EYS: variants seen among roughly 807,000 people sequenced by gnomAD.
EYS encodes the protein protein eyes shut homolog.
EYS carries 250 observed loss-of-function variants against 282.1 expected under a neutral mutation model. The observed-to-expected ratio is 0.89, with a 90% CI of 0.80 to 0.98. The LOEUF (loss-of-function observed/expected upper bound fraction) is 0.98, where lower values mean the gene tolerates loss of function less well. Ranked by LOEUF, EYS falls within the 50% of genes least tolerant of loss-of-function variation. The pLI, the probability that EYS is intolerant of heterozygous loss-of-function variation, is 0.00. For synonymous variants in EYS, 1,355 were observed against 1,282.9 expected (o/e 1.06, Z -1.20); for missense variants, 4,016 against 3,709.0 (o/e 1.08, Z -2.15).
chr6:64,290,116 T>A (rs192249129), intron 30 of EYS, among the ~76,000 whole-genome samples: 21 of 152,262 alleles, frequency 1.4e-4, no homozygotes, highest in Admixed American at 8.5e-4. Flanking sequence ...GACTTTGCAC[T>A]ACGCAGCCAT....
chr6:63,979,443 T>C (rs1766991687), intron 35 of EYS, among the ~76,000 whole-genome samples: 1 of 151,936 alleles, frequency 6.6e-6, no homozygotes, highest in Non-Finnish European at 1.5e-5. Flanking sequence ...TTTCACTGCA[T>C]GATAAAATAC....
intron 30 of EYS, among the ~76,000 whole-genome samples, chr6:64,279,547 A>G (rs1454979197): frequency 6.6e-6 from 1 of 152,142 alleles, no homozygotes; most frequent in African/African-American, 2.4e-5. Flanking sequence ...CAGCAGGGAC[A>G]TGGCTCTCAG....
chr6:64,017,772 A>G lies in EYS; in HGVS notation c.6726-18589T>C, dbSNP rs569775051. Among the ~76,000 whole-genome samples the G allele has an allele frequency of 5.9e-5, 9 of 152,332 alleles. 1 individual carries two copies. In the South Asian group the frequency reaches 1.9e-3, roughly 32 times the overall value. On this transcript the variant is annotated intron_variant, in intron 33 of 42. Transcript: ENST00000503581. ...TGCTCATTAATATGAAGTGGTGAGA[A>G]CAGTCAATATGCTCGTAATGATAGA...
In EYS at chr6:64,259,650, GCA is replaced by G. The variant is rs1554222995; in HGVS notation, c.6192-28828_6192-28827del. 2.6e-3 allele frequency among the ~76,000 whole-genome samples: 373 copies of G among 145,624 alleles called. 2 individuals carry two copies. Among genetic ancestry groups the G allele is most frequent in the East Asian group, 0.013 (63 of 4,830 alleles). On this transcript the variant is annotated intron_variant, in intron 30 of 42. Transcript: ENST00000503581. Reference sequence around the variant, plus strand: ...TCTCTCCCAGTACTTTTACACACGCGCACACACACACACACACACACACACAA... The same window carrying G: ...TCTCTCCCAGTACTTTTACACACGCGCACACACACACACACACACACACAA...
At chr6:64,241,046 G>A (rs1280732421) in intron 30 of EYS, among the ~76,000 whole-genome samples, 3 of 152,080 alleles carry the variant, frequency 2.0e-5, no homozygotes, top group African/African-American at 7.2e-5. Flanking sequence ...GTGTGATGGA[G>A]TAGGTTTATT....
At chr6:64,512,986 T>C (rs904025039) in intron 26 of EYS, among the ~76,000 whole-genome samples, 1 of 151,902 alleles carries the variant, frequency 6.6e-6, no homozygotes, top group East Asian at 1.9e-4. Context: ...TTCCTAGTAC[T>C]GTGTTGCATT....
chr6:65,587,541 G>A (rs1765095577), intron 2 of EYS, among the ~76,000 whole-genome samples: 1 of 152,024 alleles, frequency 6.6e-6, no homozygotes. Flanking sequence ...TGCCGTGACT[G>A]CAAATTTCCT....
Position 64,097,236 on chromosome 6 carries a change from G to A in EYS, c.6425-15234C>T, listed in dbSNP as rs568860842. 9.2e-5 allele frequency among the ~76,000 whole-genome samples: 14 copies of A among 152,306 alleles called. 1 individual carries two copies. In the South Asian group the frequency reaches 1.7e-3, roughly 18 times the overall value. On this transcript the variant is annotated intron_variant, in intron 31 of 42. Transcript: ENST00000503581. ...GAGGAGGCAGTCTGTTCCGTTCTCC[G>A]ATCTCAAGCTGTGTGCTGGGAGAAC...
intron 31 of EYS, among the ~76,000 whole-genome samples, chr6:64,142,293 T>C (rs1774362815): frequency 6.6e-6 from 1 of 152,000 alleles, no homozygotes; most frequent in South Asian, 2.1e-4. Context: ...CATATGGCTC[T>C]TTACTACAGA....
intron 8 of EYS, among the ~76,000 whole-genome samples, chr6:65,356,719 T>C (rs1165967751): frequency 6.6e-6 from 1 of 152,082 alleles, no homozygotes; most frequent in Non-Finnish European, 1.5e-5. Context: ...TCTTAATACC[T>C]TTTTAAAATT....
rs1248412898 is a variant in EYS at position 64,028,493 on chromosome 6, C to A, written c.6726-29310G>T. Among the ~76,000 whole-genome samples the A allele has an allele frequency of 2.0e-5, 3 of 152,314 alleles. No individual in the cohort carries two copies. In the South Asian group the frequency reaches 6.2e-4, roughly 32 times the overall value. On this transcript the variant is annotated intron_variant, in intron 33 of 42. Coordinates refer to ENST00000503581, the MANE Select transcript of EYS (RefSeq NM_001142800.2). ...TAATTCCTCTATATCCAGTTGTACC[C>A]AACCCCTATATCCTGCTCTCTCAAA...
intron 7 of EYS, among the ~76,000 whole-genome samples, chr6:65,388,739 G>A (rs768878137): frequency 2.0e-5 from 3 of 151,990 alleles, no homozygotes; most frequent in African/African-American, 7.2e-5. Flanking sequence ...CCCCTGAATG[G>A]CATTGGCAGA....
chr6:65,281,135 T>A (rs6937004), intron 12 of EYS, among the ~76,000 whole-genome samples: 81,407 of 150,236 alleles, frequency 0.54, 23,524 homozygotes, highest in East Asian at 0.91. Context: ...ACATCATTAA[T>A]AAAGTGATAC....
intron 12 of EYS, among the ~76,000 whole-genome samples, chr6:65,250,819 CA>C (rs35312986): frequency 7.6e-5 from 11 of 145,598 alleles, no homozygotes; most frequent in Admixed American, 2.1e-4. Context: ...CAGTAACATC[CA>C]AAAAAAAAAT....
chr6:65,654,033 T>C (rs1482965486), intron 1 of EYS, among the ~76,000 whole-genome samples: 1 of 151,962 alleles, frequency 6.6e-6, no homozygotes, highest in Non-Finnish European at 1.5e-5. Context: ...GTTTCATTGA[T>C]ATAAAAAGTT....
intron 12 of EYS, among the ~76,000 whole-genome samples, chr6:65,272,571 C>G (rs1424364951): frequency 1.3e-5 from 2 of 152,106 alleles, no homozygotes; most frequent in African/African-American, 4.8e-5. Context: ...TCTGAACAAA[C>G]TCATCTTTAA....
intron 2 of EYS, among the ~76,000 whole-genome samples, chr6:65,502,718 A>AT (rs1219120257): frequency 2.6e-5 from 4 of 151,154 alleles, no homozygotes; most frequent in African/African-American, 4.9e-5. Flanking sequence ...TGACCTTGAG[A>AT]TTTTTTTAGG....
chr6:65,394,701 T>C (rs1433508804), intron 7 of EYS, among the ~76,000 whole-genome samples: 1 of 152,088 alleles, frequency 6.6e-6, no homozygotes, highest in Non-Finnish European at 1.5e-5. Context: ...AAGCCAGTGG[T>C]TTCCAAGTCA....
intron 29 of EYS, among the ~76,000 whole-genome samples, chr6:64,366,234 A>G (rs1280546489): frequency 6.6e-6 from 1 of 152,002 alleles, no homozygotes; most frequent in Non-Finnish European, 1.5e-5. Context: ...GGACTCCCCA[A>G]ATAGTGATAT....
Sources: gnomAD v4.1 joint callset for allele counts (sites outside exome capture counted in the v4.1 genomes callset) on GRCh38, gnomAD v4.1.1 for gene constraint, MANE v1.5 for transcripts, NCBI Gene and HGNC (gene_info 2026-07-23, HGNC 2026-07-21) for gene names.